Variants in MYCBPAP observed in about 807,000 individuals in gnomAD.
MYCBPAP encodes the protein MYCBP associated protein.
Under a neutral mutation model 106.1 loss-of-function variants are expected in MYCBPAP, and 60 were observed. That is an observed-to-expected ratio of 0.57 (90% CI 0.46 to 0.70). The LOEUF is 0.70. Ranked by LOEUF, MYCBPAP falls within the 30% of genes least tolerant of loss-of-function variation. The pLI, the probability that MYCBPAP is intolerant of heterozygous loss-of-function variation, is 0.00. For missense variants in MYCBPAP, 1,064 were observed against 1,169.3 expected (o/e 0.91, Z 1.31); for synonymous variants, 407 against 440.6 (o/e 0.92, Z 0.95).
At chr17:50,513,280 G>A (rs142431084) in intron 1 of MYCBPAP, among the ~76,000 whole-genome samples, 3 of 150,288 alleles carry the variant, frequency 2.0e-5, no homozygotes, top group African/African-American at 7.4e-5. Flanking sequence ...CCAGCTACTC[G>A]GGAGGCCGAG....
rs1421000324 is a variant in MYCBPAP, at chr17:50,531,492, G to A, written c.*64G>A. The A allele has an allele frequency of 2.4e-6, 3 of 1,255,356 alleles. No individual in the cohort carries two copies. The highest frequency in any genetic ancestry group is 3.3e-6 in the Non-Finnish European group (3 of 897,524). 77.8% of individuals were successfully genotyped at this position (1,255,356 alleles called of 1,614,324 possible). A position where few individuals can be genotyped will look rare whatever the true frequency, so the allele number is the denominator to read the frequency against. Reference sequence around the variant, plus strand: ...AAATAAATCAATAAAGAACCTTCAAGTTTCTACTACTTCCGTGTGCCTCTG... The same window carrying A: ...AAATAAATCAATAAAGAACCTTCAAATTTCTACTACTTCCGTGTGCCTCTG... On this transcript the variant is annotated 3_prime_UTR_variant, in exon 19 of 19. Coordinates refer to ENST00000323776, the MANE Select transcript of MYCBPAP (RefSeq NM_032133.6).
In MYCBPAP at chr17:50,531,408, G is replaced by A; in HGVS notation, c.2806G>A (p.Ala936Thr). ...ELSPIKNVEE[A>T]LRLCR is the part of the protein sequence containing the mutation. ...CAGCCCCATAAAGAATGTCGAGGAG[G>A]CTTTGCGCCTCTGCAGGTGACTCTC... Residue 936 changes from alanine (A) to threonine (T), a missense_variant, in exon 19 of 19, where the codon GCT becomes ACT. By Grantham distance (58) the Ala-to-Thr change is moderately conservative. Coordinates refer to ENST00000323776, the MANE Select transcript of MYCBPAP (RefSeq NM_032133.6). 6.2e-7 allele frequency: 1 copy of A among 1,612,386 alleles called. No individual in the cohort carries two copies. Among genetic ancestry groups the A allele is most frequent in the Non-Finnish European group, 8.5e-7 (1 of 1,179,406 alleles).
At chr17:50,511,821 G>T (rs1459656582) in intron 1 of MYCBPAP, among the ~76,000 whole-genome samples, 1 of 152,156 alleles carries the variant, frequency 6.6e-6, no homozygotes, top group Non-Finnish European at 1.5e-5. Context: ...TCTTCCTGCA[G>T]GTCCTAAAAT....
chr17:50,526,000 C>G lies in MYCBPAP; in HGVS notation c.1902C>G (p.Ala634=). 6 of 1,613,912 alleles carry G rather than the reference C, an allele frequency of 3.7e-6. No homozygotes were observed. In the South Asian group the frequency reaches 6.6e-5, roughly 18 times the overall value. The stretch of plus-strand genomic sequence containing the variant: ...ACAAGGAGCACGTCAGCCCCATAGC[C>G]ACAGAGAAGGCCTCTGTGAATGCTG... The part of the protein sequence containing the change: ...PGDKEHVSPI[A]TEKASVNAEL... The change falls in exon 14 of 19, where the codon GCC becomes GCG. Residue 634 remains alanine, a synonymous_variant. Transcript: ENST00000323776.
intron 7 of MYCBPAP, chr17:50,520,894 T>G: frequency 3.7e-6 from 2 of 537,848 alleles, no homozygotes; most frequent in Admixed American, 3.2e-5. Context: ...AATCCAAAGA[T>G]TTGGCTATTT....
At position 50,525,871 on chromosome 17, in the gene MYCBPAP, T is replaced by C; in HGVS notation, c.1783-10T>C. Reference sequence around the variant, plus strand: ...CTCCCCCTCACATGCCTTCCCATCCTCTGCTGCAGCTGCATTATGAGCACC... The same window carrying C: ...CTCCCCCTCACATGCCTTCCCATCCCCTGCTGCAGCTGCATTATGAGCACC... On this transcript the variant is annotated splice_polypyrimidine_tract_variant and intron_variant, in intron 13 of 18. Coordinates refer to ENST00000323776, the MANE Select transcript of MYCBPAP (RefSeq NM_032133.6). 2 of 1,586,980 alleles carry C rather than the reference T, an allele frequency of 1.3e-6. No homozygotes were observed. Among genetic ancestry groups the C allele is most frequent in the South Asian group, 1.1e-5 (1 of 87,470 alleles).
chr17:50,517,799 A>G (rs2034108612), intron 4 of MYCBPAP, 101 bp downstream of exon 4: 3 of 967,532 alleles, frequency 3.1e-6, no homozygotes, highest in Admixed American at 2.0e-5. Flanking sequence ...GAGACAGTCT[A>G]GTCTGTAGGT....
chr17:50,528,708 T>G lies in MYCBPAP; in HGVS notation c.2421T>G (p.Pro807=). The change falls in exon 17 of 19, where the codon CCT becomes CCG. Residue 807 remains proline (P), a synonymous_variant. Coordinates refer to ENST00000323776, the MANE Select transcript of MYCBPAP (RefSeq NM_032133.6). ...CACCTCCCTTAGATCAAAAATCACCTCCTATCATGGAAGTGAAGGTACCTG... is the reference window on the plus strand; with the variant it reads ...CACCTCCCTTAGATCAAAAATCACCGCCTATCATGGAAGTGAAGGTACCTG... ...NVPEEQDQKS[P]PIMEVKVPVG... 6.2e-7 allele frequency: 1 copy of G among 1,613,684 alleles called. No individual in the cohort carries two copies. The highest frequency in any genetic ancestry group is 8.5e-7 in the Non-Finnish European group (1 of 1,179,892).
Position 50,528,211 on chromosome 17 carries a change from G to A in MYCBPAP, c.2348G>A (p.Arg783Lys). Reference sequence around the variant, plus strand: ...CTGGTGGGCCATTCCATGTGGCTGAGGTCTGTGCTGGGCCTGCCTGAGAAG... The same window carrying A: ...CTGGTGGGCCATTCCATGTGGCTGAAGTCTGTGCTGGGCCTGCCTGAGAAG... ...DSLVGHSMWL[R>K]SVLGLPEKET... The change falls in exon 16 of 19, where the codon AGG (arginine) becomes AAG (lysine). Residue 783 changes from arginine to lysine, a missense_variant. Coordinates refer to ENST00000323776, the MANE Select transcript of MYCBPAP (RefSeq NM_032133.6). The A allele has an allele frequency of 6.2e-7, 1 of 1,614,182 alleles. No individual in the cohort carries two copies. Among genetic ancestry groups the A allele is most frequent in the Non-Finnish European group, 8.5e-7 (1 of 1,180,018 alleles).
chr17:50,529,266 T>G, intron 18 of MYCBPAP, 78 bp downstream of exon 18: 1 of 1,355,418 alleles, frequency 7.4e-7, no homozygotes, highest in Non-Finnish European at 1.0e-6. Context: ...AGACAATAAG[T>G]GCCCACTCCA....
chr17:50,531,438 C>T lies in MYCBPAP; in HGVS notation c.*10C>T. On this transcript the variant is annotated 3_prime_UTR_variant, in exon 19 of 19. Transcript: ENST00000323776. ...GCGCCTCTGCAGGTGACTCTCGGGCCCAAGCAACCTTCTGGAAAACGGGTT... is the reference window on the plus strand; with the variant it reads ...GCGCCTCTGCAGGTGACTCTCGGGCTCAAGCAACCTTCTGGAAAACGGGTT... 6.3e-7 allele frequency: 1 copy of T among 1,588,396 alleles called. No homozygotes were observed. Among genetic ancestry groups the T allele is most frequent in the Non-Finnish European group, 8.6e-7 (1 of 1,168,462 alleles).
intron 14 of MYCBPAP, among the ~76,000 whole-genome samples, chr17:50,526,577 A>G (rs2034471211): frequency 7.6e-6 from 1 of 131,718 alleles, no homozygotes; most frequent in South Asian, 2.7e-4. Flanking sequence ...GGCATGTGCC[A>G]CCACACCTGG....
At position 50,519,795 on chromosome 17, in the gene MYCBPAP, G is replaced by T. The variant is rs199765728; in HGVS notation, c.916+8G>T. ...CCATCCGGGTGGAGACAGGTGAGGC[G>T]CAGGGCTGTAAGCCAGCTAGCATCT... On this transcript the variant is annotated splice_region_variant and intron_variant, in intron 7 of 18. Coordinates refer to ENST00000323776, the MANE Select transcript of MYCBPAP (RefSeq NM_032133.6). 4.3e-6 allele frequency: 7 copies of T among 1,612,010 alleles called. No homozygotes were observed. Among genetic ancestry groups the T allele is most frequent in the African/African-American group, 2.7e-5 (2 of 74,908 alleles).
In MYCBPAP at chr17:50,518,714, A is replaced by G. The variant is rs770058919; in HGVS notation, c.642A>G (p.Glu214=). 1 of 1,585,982 alleles carries G rather than the reference A, an allele frequency of 6.3e-7. No individual in the cohort carries two copies. Among genetic ancestry groups the G allele is most frequent in the Admixed American group, 1.8e-5 (1 of 54,194 alleles). Residue 214 remains glutamate (E), a synonymous_variant, in exon 5 of 19, where the codon GAA becomes GAG. Transcript: ENST00000323776. ...RNTALRKKQQ[E]ALSEHLKKPV... The stretch of plus-strand genomic sequence containing the variant: ...CAGCCCTGCGGAAGAAGCAGCAGGA[A>G]GCCCTCAGCGGTGAGCAGAGCAGAC...
At chr17:50,518,907 G>A in intron 5 of MYCBPAP, 67 bp from the exon 6 acceptor site, 2 of 1,508,838 alleles carry the variant, frequency 1.3e-6, no homozygotes, top group East Asian at 2.3e-5. Context: ...GCTGCCCGAT[G>A]CAGACTGCCA....
At chr17:50,523,548 C>G (rs373648613) in intron 11 of MYCBPAP, 49 bp from the exon 12 acceptor site, 3 of 1,587,570 alleles carry the variant, frequency 1.9e-6, no homozygotes, top group Non-Finnish European at 2.6e-6. Context: ...AGGCCTGGGG[C>G]TCAGCCAGCT....
In MYCBPAP at chr17:50,526,303, T is replaced by C. The variant is rs144536092; in HGVS notation, c.2169+36T>C. The C allele has an allele frequency of 1.8e-3, 2,715 of 1,537,748 alleles. 52 individuals are homozygous for C. The African/African-American group carries it at 0.033, about 19-fold the overall frequency. ...GACCCTGGAAGGCAATGGTAGAGAA[T>C]ATTCCTGCCTCGAACCAACAAGGGA... On this transcript the variant is annotated intron_variant, in intron 14 of 18. Transcript: ENST00000323776.
At chr17:50,512,520 C>T (rs1302582092) in intron 1 of MYCBPAP, among the ~76,000 whole-genome samples, 1 of 152,218 alleles carries the variant, frequency 6.6e-6, no homozygotes, top group African/African-American at 2.4e-5. Flanking sequence ...GCCACCTCTG[C>T]AGCTGTTCCT....
intron 12 of MYCBPAP, among the ~76,000 whole-genome samples, chr17:50,524,518 C>T (rs1770181422): frequency 1.3e-5 from 2 of 152,162 alleles, no homozygotes; most frequent in African/African-American, 4.8e-5. Context: ...AGGTTCACCA[C>T]CATCCTCAGA....
Sources: gnomAD v4.1 joint callset for allele counts (sites outside exome capture counted in the v4.1 genomes callset) on GRCh38, gnomAD v4.1.1 for gene constraint, MANE v1.5 for transcripts, NCBI Gene and HGNC (gene_info 2026-07-23, HGNC 2026-07-21) for gene names.